DAPK1: variants seen among roughly 807,000 people sequenced by gnomAD.
DAPK1 encodes the protein death-associated protein kinase 1.
A neutral mutation model predicts 144.9 loss-of-function variants in DAPK1; 56 were observed. The ratio of observed to expected loss-of-function variants is 0.39; its 90% CI spans 0.31 to 0.48. The LOEUF (loss-of-function observed/expected upper bound fraction) is 0.48. Among genes scored for constraint, DAPK1 ranks in the 20% least tolerant of loss-of-function variants. The pLI, the probability that DAPK1 is intolerant of heterozygous loss-of-function variation, is 0.95. For synonymous variants in DAPK1, 690 were observed against 749.0 expected (o/e 0.92, Z 1.29); for missense variants, 1,454 against 1,875.4 (o/e 0.78, Z 4.15).
chr9:87,539,306 C>T (rs1030396956), intron 2 of DAPK1, among the ~76,000 whole-genome samples: 3 of 152,026 alleles, frequency 2.0e-5, no homozygotes, highest in Non-Finnish European at 2.9e-5. Flanking sequence ...AAGCTAAGTA[C>T]GGTAGTCCTC....
At chr9:87,537,659 C>T (rs563785208) in intron 2 of DAPK1, among the ~76,000 whole-genome samples, 8 of 151,948 alleles carry the variant, frequency 5.3e-5, no homozygotes, top group Admixed American at 2.0e-4. Flanking sequence ...TGTGTGTGCG[C>T]GTTAGTGTGT....
chr9:87,673,031 C>G (rs1187014836), intron 19 of DAPK1, among the ~76,000 whole-genome samples: 1 of 152,182 alleles, frequency 6.6e-6, no homozygotes, highest in Admixed American at 6.5e-5. Context: ...TGTCATTTCT[C>G]CTTGATATTC....
At chr9:87,652,865 G>C (rs61606544) in intron 17 of DAPK1, among the ~76,000 whole-genome samples, 5 of 134,022 alleles carry the variant, frequency 3.7e-5, no homozygotes, top group African/African-American at 1.7e-4. Flanking sequence ...CCATCCCCCC[G>C]ATCCCGGGTC....
At chr9:87,702,982 A>G (rs773963154) in intron 24 of DAPK1, 47 bp from the exon 25 acceptor site, 1 of 896,156 alleles carries the variant, frequency 1.1e-6, no homozygotes. Context: ...TGCTCAGGGC[A>G]CCCACAGCTG....
chr9:87,543,501 TA>T (rs1322238091), intron 2 of DAPK1, among the ~76,000 whole-genome samples: 1 of 152,242 alleles, frequency 6.6e-6, no homozygotes. Context: ...ATGTAGTTAG[TA>T]AAAACAACAC....
At chr9:87,701,718 GTATTT>G in intron 24 of DAPK1, 2 of 292,836 alleles carry the variant, frequency 6.8e-6, no homozygotes, top group Non-Finnish European at 6.9e-6. Context: ...GCCTCTGGGT[GTATTT>G]TTTTTTTTTT....
intron 2 of DAPK1, among the ~76,000 whole-genome samples, chr9:87,601,805 T>C (rs994814102): frequency 3.3e-5 from 5 of 152,150 alleles, no homozygotes; most frequent in African/African-American, 9.7e-5. Flanking sequence ...AAATAAACCT[T>C]GGGTTACACA....
chr9:87,584,120 T>G (rs145519616), intron 2 of DAPK1, among the ~76,000 whole-genome samples: 1 of 152,376 alleles, frequency 6.6e-6, no homozygotes, highest in Non-Finnish European at 1.5e-5. Flanking sequence ...GAAGTATGTA[T>G]ACATTGTGAG....
At chr9:87,670,977 C>G (rs1831230681) in intron 19 of DAPK1, among the ~76,000 whole-genome samples, 1 of 152,194 alleles carries the variant, frequency 6.6e-6, no homozygotes, top group South Asian at 2.1e-4. Flanking sequence ...GTGCGAGATG[C>G]AAACCCACTG....
chr9:87,630,590 T>C (rs1168311825), intron 3 of DAPK1, among the ~76,000 whole-genome samples: 2 of 152,160 alleles, frequency 1.3e-5, no homozygotes, highest in African/African-American at 2.4e-5. Flanking sequence ...GGACCGCATC[T>C]GAAATGGCAC....
At chr9:87,672,400 C>G (rs998254191) in intron 19 of DAPK1, among the ~76,000 whole-genome samples, 6 of 152,130 alleles carry the variant, frequency 3.9e-5, no homozygotes, top group African/African-American at 1.2e-4. Context: ...CCTGACCTGA[C>G]CTGGAAATAC....
chr9:87,588,035 T>C (rs1340020260), intron 2 of DAPK1, among the ~76,000 whole-genome samples: 1 of 152,210 alleles, frequency 6.6e-6, no homozygotes, highest in African/African-American at 2.4e-5. Flanking sequence ...TGTTTGTCAA[T>C]CATTGAGGTA....
At chr9:87,584,420 G>A (rs1024183846) in intron 2 of DAPK1, among the ~76,000 whole-genome samples, 1 of 152,142 alleles carries the variant, frequency 6.6e-6, no homozygotes, top group African/African-American at 2.4e-5. Context: ...ACATGGGAGT[G>A]CAGACATCTC....
chr9:87,684,619 T>G (rs1824771181), intron 20 of DAPK1, among the ~76,000 whole-genome samples: 1 of 148,828 alleles, frequency 6.7e-6, no homozygotes, highest in South Asian at 2.3e-4. Flanking sequence ...TTGTGGCTGT[T>G]GAGCTGTGGG....
intron 8 of DAPK1, 57 bp from the exon 9 acceptor site, chr9:87,640,745 C>T (rs1398358533): frequency 3.2e-6 from 5 of 1,574,176 alleles, no homozygotes; most frequent in Admixed American, 1.7e-5. Flanking sequence ...ATGAAAACAA[C>T]CTTAGTATTT....
At chr9:87,547,925 C>G (rs1826321054) in intron 2 of DAPK1, among the ~76,000 whole-genome samples, 1 of 152,198 alleles carries the variant, frequency 6.6e-6, no homozygotes, top group South Asian at 2.1e-4. Context: ...GGCCACATAT[C>G]TGTGTCCAGG....
intron 2 of DAPK1, among the ~76,000 whole-genome samples, chr9:87,537,027 A>C (rs1825883360): frequency 6.7e-6 from 1 of 149,950 alleles, no homozygotes; most frequent in African/African-American, 2.5e-5. Flanking sequence ...TCACACAGTC[A>C]CCCAGTCTGG....
intron 3 of DAPK1, among the ~76,000 whole-genome samples, chr9:87,634,270 C>T (rs1311874943): frequency 6.6e-6 from 1 of 152,194 alleles, no homozygotes. Context: ...CTGTTATGTT[C>T]CCTCATTGAT....
Position 87,641,975 on chromosome 9 carries a change from G to T in DAPK1, c.835G>T (p.Asp279Tyr), listed in dbSNP as rs756338275. The T allele has an allele frequency of 6.2e-7, 1 of 1,609,952 alleles. No individual in the cohort carries two copies. Residue 279 changes from aspartate to tyrosine, a missense_variant, in exon 10 of 26, where the codon GAT becomes TAT. This residue lies in a region of DAPK1 where 429 missense variants were observed against 637.5 expected (regional missense o/e 0.67). Transcript: ENST00000408954. Reference sequence around the variant, plus strand: ...TCTTGGATTTTTATTTTAGCCTAAAGATACACAACAGGCACTTAGTAGAAA... The same window carrying T: ...TCTTGGATTTTTATTTTAGCCTAAATATACACAACAGGCACTTAGTAGAAA... ...SLQHPWIKPK[D>Y]TQQALSRKAS...
Sources: allele counts gnomAD v4.1 joint callset (sites outside exome capture counted in the v4.1 genomes callset), GRCh38; gene constraint gnomAD v4.1.1; regional missense constraint gnomAD v4.1.1; transcripts MANE v1.5; gene names NCBI Gene and HGNC (gene_info 2026-07-23, HGNC 2026-07-21).